Variants in CDH13 observed in about 807,000 individuals in gnomAD.
The protein encoded by CDH13 is cadherin-13.
A neutral mutation model predicts 63.8 loss-of-function variants in CDH13; 24 were observed. The ratio of observed to expected loss-of-function variants is 0.38; its 90% confidence interval spans 0.27 to 0.53. CDH13 has a LOEUF of 0.53. Ranked by LOEUF, CDH13 falls within the 20% of genes least tolerant of loss-of-function variation. The pLI, the probability that CDH13 is intolerant of heterozygous loss-of-function variation, is 0.85. For synonymous variants in CDH13, 503 were observed against 355.3 expected, an observed-to-expected ratio of 1.42 and a Z score of -4.67; for missense variants, 1,049 against 903.1, an observed-to-expected ratio of 1.16 and a Z score of -2.07.
Position 82,811,704 on chromosome 16 carries a change from A to G in CDH13, c.46-46658A>G, listed in dbSNP as rs539312677. ...CAAATGAGTTGCCATGGTGTCTTGT[A>G]TTCCAGTGAGGAGATGGAAAGGTGT... On this transcript the variant is annotated intron_variant, in intron 1 of 13. Transcript: ENST00000567109. Among the ~76,000 whole-genome samples, 4 of 152,278 alleles carry G rather than the reference A, an allele frequency of 2.6e-5. No individual in the cohort carries two copies. The South Asian group carries it at 8.3e-4, about 32-fold the overall frequency.
chr16:83,717,781 A>T (rs1428762955), intron 10 of CDH13: 1 of 152,274 alleles, frequency 6.6e-6, no homozygotes, highest in Non-Finnish European at 1.5e-5. Flanking sequence ...TTTCTCTGTG[A>T]CAGAGGCAGC....
intron 2 of CDH13, among the ~76,000 whole-genome samples, chr16:82,993,447 G>A (rs746313282): frequency 1.3e-5 from 2 of 152,174 alleles, no homozygotes; most frequent in Admixed American, 6.5e-5. Flanking sequence ...TGAGAGAGGT[G>A]TGTAAATTGA....
At chr16:83,759,492 C>T (rs141038963) in intron 11 of CDH13, among the ~76,000 whole-genome samples, 315 of 151,062 alleles carry the variant, frequency 2.1e-3, no homozygotes, top group African/African-American at 7.4e-3. Flanking sequence ...CAAAGCTTTT[C>T]GTAATTAGGA....
chr16:83,668,501 A>G (rs151319737), intron 8 of CDH13, among the ~76,000 whole-genome samples: 91 of 152,286 alleles, frequency 6.0e-4, no homozygotes, highest in African/African-American at 2.1e-3. Context: ...TCATGCCCAC[A>G]TGATTGATAC....
At chr16:82,705,232 G>C (rs778132344) in intron 1 of CDH13, 2 of 450,512 alleles carry the variant, frequency 4.4e-6, no homozygotes, top group African/African-American at 2.0e-5. Flanking sequence ...ACATGAGAGG[G>C]AGGACAAGGT....
intron 2 of CDH13, among the ~76,000 whole-genome samples, chr16:82,969,002 G>T (rs1034241180): frequency 1.3e-5 from 2 of 152,144 alleles, no homozygotes; most frequent in African/African-American, 4.8e-5. Context: ...AGCTGCTCAG[G>T]AGGCTGAGGC....
At chr16:83,633,162 C>T (rs1279421648) in intron 8 of CDH13, among the ~76,000 whole-genome samples, 3 of 151,818 alleles carry the variant, frequency 2.0e-5, no homozygotes, top group South Asian at 2.1e-4. Context: ...TGCTGACCTC[C>T]TATCTCATCC....
At chr16:82,632,291 G>A (rs944771939) in intron 1 of CDH13, among the ~76,000 whole-genome samples, 1 of 152,170 alleles carries the variant, frequency 6.6e-6, no homozygotes, top group African/African-American at 2.4e-5. Context: ...TCAAATTGAT[G>A]CAGTTTATTT....
intron 8 of CDH13, among the ~76,000 whole-genome samples, chr16:83,649,748 A>C (rs1418554256): frequency 6.6e-6 from 1 of 151,898 alleles, no homozygotes; most frequent in Non-Finnish European, 1.5e-5. Context: ...GCCTTCTCGC[A>C]CTCTTCCCCT....
At chr16:82,671,704 C>T (rs1390185703) in intron 1 of CDH13, among the ~76,000 whole-genome samples, 1 of 152,100 alleles carries the variant, frequency 6.6e-6, no homozygotes, top group Non-Finnish European at 1.5e-5. Flanking sequence ...AACTTCGTGC[C>T]CAAGCTGTTC....
At chr16:82,677,860 C>G (rs1007033293) in intron 1 of CDH13, among the ~76,000 whole-genome samples, 4 of 152,140 alleles carry the variant, frequency 2.6e-5, no homozygotes, top group African/African-American at 7.2e-5. Flanking sequence ...AGTTTCTAAT[C>G]AAACTAATCC....
intron 3 of CDH13, among the ~76,000 whole-genome samples, chr16:83,091,473 G>A (rs1005458673): frequency 6.6e-6 from 1 of 152,152 alleles, no homozygotes; most frequent in African/African-American, 2.4e-5. Flanking sequence ...TGTCTACAGA[G>A]AAACTGTATA....
chr16:82,860,959 TATA>T (rs1358209295), intron 2 of CDH13, among the ~76,000 whole-genome samples: 1 of 152,176 alleles, frequency 6.6e-6, no homozygotes, highest in Non-Finnish European at 1.5e-5. Context: ...GCGTATTTCT[TATA>T]ATGCAAAACA....
chr16:83,766,024 G>T (rs1424385953), intron 11 of CDH13, among the ~76,000 whole-genome samples: 3 of 152,176 alleles, frequency 2.0e-5, no homozygotes, highest in Non-Finnish European at 4.4e-5. Flanking sequence ...TTGCTCATTA[G>T]CTCACATCTA....
chr16:83,021,076 G>T (rs149807770), intron 2 of CDH13, among the ~76,000 whole-genome samples: 16 of 152,290 alleles, frequency 1.1e-4, no homozygotes, highest in African/African-American at 3.6e-4. Flanking sequence ...ACCAAGAAGG[G>T]ATCTCTGTAA....
intron 5 of CDH13, among the ~76,000 whole-genome samples, chr16:83,325,963 G>C (rs2090350581): frequency 6.6e-6 from 1 of 152,048 alleles, no homozygotes; most frequent in African/African-American, 2.4e-5. Context: ...CTCAGTAAAT[G>C]CTAAACTGAA....
At chr16:83,373,074 G>A (rs967355460) in intron 6 of CDH13, among the ~76,000 whole-genome samples, 4 of 152,094 alleles carry the variant, frequency 2.6e-5, no homozygotes, top group Non-Finnish European at 2.9e-5. Context: ...TTTAAAGTTG[G>A]CTTTGACAAC....
intron 2 of CDH13, among the ~76,000 whole-genome samples, chr16:82,964,788 G>C (rs116189596): frequency 0.021 from 3,170 of 152,236 alleles, 89 homozygotes; most frequent in African/African-American, 0.062. Flanking sequence ...TCTTTTCCCA[G>C]CCAAATTTTA....
chr16:82,813,253 A>G (rs980337470), intron 1 of CDH13, among the ~76,000 whole-genome samples: 3 of 152,096 alleles, frequency 2.0e-5, no homozygotes, highest in Non-Finnish European at 4.4e-5. Flanking sequence ...AAAAAAAATA[A>G]GGGTGTCATC....
Sources: allele counts gnomAD v4.1 joint callset (sites outside exome capture counted in the v4.1 genomes callset), GRCh38; gene constraint gnomAD v4.1.1; transcripts MANE v1.5; gene names NCBI Gene and HGNC (gene_info 2026-07-23, HGNC 2026-07-21).